CDK2AP2: variants seen among roughly 807,000 people sequenced by gnomAD.
CDK2AP2 encodes the protein cyclin dependent kinase 2 associated protein 2, also known as cyclin-dependent kinase 2-associated protein 2.
A neutral mutation model predicts 13.0 loss-of-function variants in CDK2AP2; 1 was observed. That is an observed-to-expected ratio of 0.08 (90% CI 0.03 to 0.37). The LOEUF (loss-of-function observed/expected upper bound fraction) is 0.37, where lower values mean the gene tolerates loss of function less well. Among genes scored for constraint, CDK2AP2 ranks in the 10% least tolerant of loss-of-function variants. The probability of loss-of-function intolerance (pLI) is 0.99; values close to 1 mark genes in which losing one functional copy is unlikely to be tolerated. For missense variants in CDK2AP2, 129 were observed against 175.8 expected (o/e 0.73, Z 1.50); for synonymous variants, 76 against 73.0 (o/e 1.04, Z -0.21).
Position 67,507,459 on chromosome 11 carries a change from G to A in CDK2AP2, c.219C>T (p.Thr73=). Residue 73 remains threonine, a synonymous_variant, in exon 3 of 4, where the codon ACC becomes ACT. Transcript: ENST00000301488. ...KPPGAQGSQS[T]YTDLLSVIEE... ...CTATGACTGACAGCAGGTCCGTGTAGGTGCTCTGGGAGCCCTGGGCGCCGG... is the reference window on the plus strand; with the variant it reads ...CTATGACTGACAGCAGGTCCGTGTAAGTGCTCTGGGAGCCCTGGGCGCCGG... 2 of 1,613,954 alleles carry A rather than the reference G, an allele frequency of 1.2e-6. No homozygotes were observed. Among genetic ancestry groups the A allele is most frequent in the Non-Finnish European group, 1.7e-6 (2 of 1,180,032 alleles).
rs533132617 is a variant in CDK2AP2, at chr11:67,507,137, G to A, written c.314-125C>T. The stretch of plus-strand genomic sequence containing the variant: ...AGAAATTCAAATCTAATGACGGCTA[G>A]ATGAAATTAGAGGTTTGGTTAATCC... On this transcript the variant is annotated intron_variant, in intron 3 of 3. Coordinates refer to ENST00000301488, the MANE Select transcript of CDK2AP2 (RefSeq NM_005851.5). 2.8e-5 allele frequency: 23 copies of A among 834,480 alleles called. 1 individual carries two copies. The South Asian group carries it at 3.9e-4, about 14-fold the overall frequency. The allele number at this position is 834,480 out of a possible 1,614,324, so 51.7% of individuals were successfully genotyped here. A position where few individuals can be genotyped will look rare whatever the true frequency, so the allele number is the denominator to read the frequency against.
chr11:67,506,718 G>A lies in CDK2AP2; in HGVS notation c.*227C>T. On this transcript the variant is annotated 3_prime_UTR_variant, in exon 4 of 4. Transcript: ENST00000301488. ...GTTCCGGTGGGCAACACTGTCGGCAGGTCATGGGTGGGACTCATGGGGACC... is the reference window on the plus strand; with the variant it reads ...GTTCCGGTGGGCAACACTGTCGGCAAGTCATGGGTGGGACTCATGGGGACC... 1 of 564,622 alleles carries A rather than the reference G, an allele frequency of 1.8e-6. No individual in the cohort carries two copies. The highest frequency in any genetic ancestry group is 3.1e-6 in the Non-Finnish European group (1 of 318,266). The allele number at this position is 564,622 out of a possible 1,614,324, so 35.0% of individuals were successfully genotyped here.
In CDK2AP2 at chr11:67,508,148, A is replaced by G. The variant is rs1036173242; in HGVS notation, c.-66T>C. The G allele has an allele frequency of 7.0e-6, 10 of 1,425,142 alleles. No homozygotes were observed. The African/African-American group carries it at 1.5e-4, about 21-fold the overall frequency. 88.3% of individuals were successfully genotyped at this position (1,425,142 alleles called of 1,614,324 possible). ...TCGGGGGTTGGCTGCGGGGCCGCTC[A>G]GCCGCGCTCTGATTGGCAAGCGGGC... On this transcript the variant is annotated 5_prime_UTR_variant, in exon 1 of 4. Coordinates refer to ENST00000301488, the MANE Select transcript of CDK2AP2 (RefSeq NM_005851.5).
chr11:67,506,842 G>A lies in CDK2AP2; in HGVS notation c.*103C>T. 1.0e-6 allele frequency: 1 copy of A among 989,522 alleles called. No homozygotes were observed. Among genetic ancestry groups the A allele is most frequent in the Admixed American group, 2.1e-5 (1 of 47,986 alleles). 61.3% of individuals were successfully genotyped at this position (989,522 alleles called of 1,614,324 possible). A position where few individuals can be genotyped will look rare whatever the true frequency, so the allele number is the denominator to read the frequency against. On this transcript the variant is annotated 3_prime_UTR_variant, in exon 4 of 4. Transcript: ENST00000301488. Reference sequence around the variant, plus strand: ...GGGACCCACCAAGGGACACAGGACAGGAAGCCCAGGATGGTTAGTGCAACT... The same window carrying A: ...GGGACCCACCAAGGGACACAGGACAAGAAGCCCAGGATGGTTAGTGCAACT...
intron 1 of CDK2AP2, 37 bp from the exon 2 acceptor site, chr11:67,507,726 G>A: frequency 6.2e-7 from 1 of 1,606,564 alleles, no homozygotes; most frequent in Non-Finnish European, 8.5e-7. Flanking sequence ...TCAGCGCGGG[G>A]CAGGGACGCC....
At chr11:67,507,324 C>T in intron 3 of CDK2AP2, 41 bp downstream of exon 3, 1 of 1,610,864 alleles carries the variant, frequency 6.2e-7, no homozygotes, top group East Asian at 2.2e-5. Context: ...AAGGATAGTC[C>T]AGTGTCGGTT....
intron 3 of CDK2AP2, 97 bp downstream of exon 3, chr11:67,507,268 C>G: frequency 7.2e-7 from 1 of 1,398,018 alleles, no homozygotes; most frequent in Non-Finnish European, 1.0e-6. Flanking sequence ...TGGACATCCT[C>G]TAGGCTTGGC....
rs761667065 is a variant in CDK2AP2 at position 67,507,362 on chromosome 11, T to C, written c.313+3A>G. On this transcript the variant is annotated splice_donor_region_variant and intron_variant, in intron 3 of 3. Transcript: ENST00000301488. ...CTGAGCAGGGCGGCCTGGCCTCACT[T>C]ACCTCTCTTCAGGCGCTCCATGGCG... is the stretch of plus-strand genomic sequence containing the variant. 4.3e-6 allele frequency: 7 copies of C among 1,612,158 alleles called. No homozygotes were observed. The South Asian group carries it at 4.4e-5, about 10-fold the overall frequency.
intron 3 of CDK2AP2, 66 bp from the exon 4 acceptor site, chr11:67,507,078 C>T: frequency 5.2e-6 from 6 of 1,145,058 alleles, no homozygotes; most frequent in Non-Finnish European, 7.4e-6. Flanking sequence ...GAGGAGGACC[C>T]CTGCCTCCCC....
chr11:67,507,802 A>G (rs1310235026), intron 1 of CDK2AP2, 113 bp from the exon 2 acceptor site: 6 of 1,540,914 alleles, frequency 3.9e-6, no homozygotes, highest in Non-Finnish European at 5.2e-6. Context: ...GCTTCATTCC[A>G]TGCTGATCAA....
At position 67,506,954 on chromosome 11, in the gene CDK2AP2, G is replaced by A. The variant is rs1014554801; in HGVS notation, c.372C>T (p.Ala124=). 31 of 1,557,652 alleles carry A rather than the reference G, an allele frequency of 2.0e-5. No homozygotes were observed. Among genetic ancestry groups the A allele is most frequent in the Middle Eastern group, 1.7e-4 (1 of 6,016 alleles). The change falls in exon 4 of 4, where the codon GCC becomes GCT. Residue 124 remains alanine (A), a synonymous_variant. Coordinates refer to ENST00000301488, the MANE Select transcript of CDK2AP2 (RefSeq NM_005851.5). ...RECLAETERN[A]RT ...GCCGAGGCGCTTCCTGTTACGTGCG[G>A]GCGTTCCGCTCTGTCTCTGCCAGGC...
rs1866577880 is a variant in CDK2AP2 at position 67,508,111 on chromosome 11, G to C, written c.-29C>G. On this transcript the variant is annotated 5_prime_UTR_variant, in exon 1 of 4. Transcript: ENST00000301488. ...CAACTCCTGGGCGCGGCGGACGCCA[G>C]CCGGCCGCTCCTCGGGGGTTGGCTG... 6.9e-7 allele frequency: 1 copy of C among 1,450,514 alleles called. No homozygotes were observed. Among genetic ancestry groups the C allele is most frequent in the Non-Finnish European group, 9.1e-7 (1 of 1,103,432 alleles). 89.9% of individuals were successfully genotyped at this position (1,450,514 alleles called of 1,614,324 possible).
intron 1 of CDK2AP2, 57 bp from the exon 2 acceptor site, chr11:67,507,746 C>A (rs1866564727): frequency 3.1e-6 from 5 of 1,594,992 alleles, no homozygotes; most frequent in Non-Finnish European, 4.3e-6. Flanking sequence ...CGCCTCCCAG[C>A]TTTTCCAAGC....
Sources: gnomAD v4.1 joint callset for allele counts on GRCh38, gnomAD v4.1.1 for gene constraint, MANE v1.5 for transcripts, NCBI Gene and HGNC (gene_info 2026-07-23, HGNC 2026-07-21) for gene names.